ACVR2A: variants seen among roughly 807,000 people sequenced by gnomAD.
ACVR2A encodes the protein activin receptor type-2A.
Under a neutral mutation model 61.4 loss-of-function variants are expected in ACVR2A, and 7 were observed. The ratio of observed to expected loss-of-function variants is 0.11; its 90% CI spans 0.06 to 0.21. The LOEUF is 0.21. Ranked by LOEUF, ACVR2A falls within the 10% of genes least tolerant of loss-of-function variation. The pLI, the probability that ACVR2A is intolerant of heterozygous loss-of-function variation, is 1.00. For synonymous variants in ACVR2A, 193 were observed against 208.3 expected, an observed-to-expected ratio of 0.93 and a Z score of 0.63; for missense variants, 322 against 621.7, an observed-to-expected ratio of 0.52 and a Z score of 5.13.
intron 1 of ACVR2A, 143 bp downstream of exon 1, chr2:147,845,350 C>T: frequency 2.0e-5 from 2 of 99,362 alleles, no homozygotes; most frequent in Admixed American, 4.0e-4. Context: ...CTGCCACCGC[C>T]CCCCCCCCCC....
At chr2:147,862,425 T>G in intron 1 of ACVR2A, among the ~76,000 whole-genome samples, 1 of 152,174 alleles carries the variant, frequency 6.6e-6, no homozygotes, top group East Asian at 1.9e-4. Flanking sequence ...CAATCACTTT[T>G]GCTTTTGATT....
intron 1 of ACVR2A, among the ~76,000 whole-genome samples, chr2:147,868,492 A>G (rs1685931632): frequency 6.6e-6 from 1 of 152,200 alleles, no homozygotes; most frequent in African/African-American, 2.4e-5. Flanking sequence ...GTTAAAAAGT[A>G]GAAAATAACA....
At chr2:147,871,415 C>G (rs948694768) in intron 1 of ACVR2A, among the ~76,000 whole-genome samples, 1 of 151,944 alleles carries the variant, frequency 6.6e-6, no homozygotes, top group Non-Finnish European at 1.5e-5. Flanking sequence ...GAAGGGACAT[C>G]AAGAAATAAT....
At chr2:147,921,319 G>A (rs1221870911) in intron 8 of ACVR2A, among the ~76,000 whole-genome samples, 6 of 152,108 alleles carry the variant, frequency 3.9e-5, no homozygotes, top group African/African-American at 9.7e-5. Flanking sequence ...ATAGGCGTGA[G>A]CCACCACGCC....
intron 1 of ACVR2A, among the ~76,000 whole-genome samples, chr2:147,884,018 T>C (rs1686372688): frequency 6.6e-6 from 1 of 152,168 alleles, no homozygotes; most frequent in Admixed American, 6.6e-5. Flanking sequence ...TCAGTGTAAT[T>C]GACACTTTTA....
intron 1 of ACVR2A, among the ~76,000 whole-genome samples, chr2:147,880,806 A>AG (rs1369519566): frequency 6.6e-6 from 1 of 152,192 alleles, no homozygotes; most frequent in Non-Finnish European, 1.5e-5. Context: ...TGAATGCAGA[A>AG]GATGCTGTAC....
chr2:147,874,082 A>C (rs1189368321), intron 1 of ACVR2A, among the ~76,000 whole-genome samples: 1 of 151,964 alleles, frequency 6.6e-6, no homozygotes, highest in Non-Finnish European at 1.5e-5. Flanking sequence ...GAGCAAATGA[A>C]AGATTAGGCA....
At chr2:147,904,430 G>A (rs1346188477) in intron 4 of ACVR2A, among the ~76,000 whole-genome samples, 5 of 151,796 alleles carry the variant, frequency 3.3e-5, no homozygotes, top group African/African-American at 4.8e-5. Flanking sequence ...GAATTTTAAG[G>A]GTTAGAAATG....
chr2:147,909,242 T>A (rs1280063634), intron 4 of ACVR2A, among the ~76,000 whole-genome samples: 1 of 152,198 alleles, frequency 6.6e-6, no homozygotes, highest in African/African-American at 2.4e-5. Flanking sequence ...GGTTTCTCTT[T>A]ACAGATGTTG....
chr2:147,898,939 G>A (rs1033076023), intron 2 of ACVR2A, among the ~76,000 whole-genome samples: 24 of 151,798 alleles, frequency 1.6e-4, no homozygotes, highest in African/African-American at 5.8e-4. Context: ...GCCTAGTTTG[G>A]GTTTCTGATG....
At chr2:147,873,972 C>T (rs940709029) in intron 1 of ACVR2A, among the ~76,000 whole-genome samples, 1 of 151,864 alleles carries the variant, frequency 6.6e-6, no homozygotes, top group East Asian at 1.9e-4. Context: ...AGCAGCGTGG[C>T]ATGGAGGATG....
intron 4 of ACVR2A, among the ~76,000 whole-genome samples, chr2:147,905,958 G>A (rs1001269599): frequency 1.3e-5 from 2 of 152,132 alleles, no homozygotes; most frequent in Non-Finnish European, 2.9e-5. Context: ...AGTGACTTCT[G>A]TTTAAATTTT....
intron 4 of ACVR2A, among the ~76,000 whole-genome samples, chr2:147,904,275 T>A (rs1413800535): frequency 1.3e-5 from 2 of 151,990 alleles, no homozygotes; most frequent in East Asian, 3.9e-4. Context: ...AGGGAATTGA[T>A]GGACTCTATT....
At chr2:147,915,109 T>G (rs1195759728) in intron 4 of ACVR2A, 82 bp from the exon 5 acceptor site, 1 of 1,340,776 alleles carries the variant, frequency 7.5e-7, no homozygotes, top group Non-Finnish European at 1.0e-6. Flanking sequence ...GACTTTTCAG[T>G]ATACTCACTT....
At chr2:147,896,896 T>C (rs1419945171) in intron 2 of ACVR2A, 1 of 160,334 alleles carries the variant, frequency 6.2e-6, no homozygotes, top group Non-Finnish European at 1.4e-5. Flanking sequence ...ATGTGTTTAA[T>C]TTTCTTTCAG....
chr2:147,891,963 G>GT lies in ACVR2A; in HGVS notation c.56-4330dup, dbSNP rs1553444009. 5.2e-3 allele frequency among the ~76,000 whole-genome samples: 579 copies of GT among 111,910 alleles called. 2 individuals are homozygous for GT. The highest frequency in any genetic ancestry group is 0.018 in the South Asian group (62 of 3,466). 73.4% of individuals were successfully genotyped at this position (111,910 alleles called of 152,430 possible). Reference sequence around the variant, plus strand: ...GGTGGTAGCAGCCCTTCTTTTTTTTGTTTTTTTTGTTTTGTTTTGTTTTTT... The same window carrying GT: ...GGTGGTAGCAGCCCTTCTTTTTTTTGTTTTTTTTTGTTTTGTTTTGTTTTTT... On this transcript the variant is annotated intron_variant, in intron 1 of 10. Transcript: ENST00000241416.
intron 1 of ACVR2A, among the ~76,000 whole-genome samples, chr2:147,870,257 T>C (rs1685978522): frequency 6.6e-6 from 1 of 152,176 alleles, no homozygotes; most frequent in Admixed American, 6.5e-5. Context: ...AGCATAACAT[T>C]ACAGTAAGTA....
intron 1 of ACVR2A, among the ~76,000 whole-genome samples, chr2:147,888,251 G>A (rs1436772652): frequency 1.3e-5 from 2 of 152,034 alleles, no homozygotes; most frequent in Non-Finnish European, 2.9e-5. Context: ...TCAGGAAAGC[G>A]GGTGGTGATT....
chr2:147,872,897 T>A (rs764206524), intron 1 of ACVR2A, among the ~76,000 whole-genome samples: 14 of 151,890 alleles, frequency 9.2e-5, no homozygotes, highest in Admixed American at 1.3e-4. Flanking sequence ...AGAGAGTAAT[T>A]TCCAAGTACA....
Sources: gnomAD v4.1 joint callset for allele counts (sites outside exome capture counted in the v4.1 genomes callset) on GRCh38, gnomAD v4.1.1 for gene constraint, MANE v1.5 for transcripts, NCBI Gene and HGNC (gene_info 2026-07-23, HGNC 2026-07-21) for gene names.